The following ZNF680 variants were observed in gnomAD, a reference collection of about 807,000 sequenced individuals.
ZNF680 encodes the protein zinc finger protein 680.
Under a neutral mutation model 12.1 loss-of-function variants are expected in ZNF680, and 6 were observed. The observed-to-expected ratio is 0.49, with a 90% CI of 0.27 to 0.98. The LOEUF is 0.98. ZNF680 is among the 50% of genes least tolerant of loss of function. The pLI is 0.12. For synonymous variants in ZNF680, 170 were observed against 199.3 expected, an observed-to-expected ratio of 0.85 and a Z score of 1.24; for missense variants, 561 against 616.3, an observed-to-expected ratio of 0.91 and a Z score of 0.95.
Position 64,522,191 on chromosome 7 carries a change from C to A in ZNF680, c.563G>T (p.Gly188Val). 4 of 1,612,536 alleles carry A rather than the reference C, an allele frequency of 2.5e-6. No individual in the cohort carries two copies. The highest frequency in any genetic ancestry group is 3.4e-6 in the Non-Finnish European group (4 of 1,179,122). ...ATGTGAAAGCATGCAAAATGATTTG[C>A]CACATTCTTTACATTTGAAAACCTT... ...GKKVFKCKEC[G>V]KSFCMLSHLT... Residue 188 changes from glycine to valine, a missense_variant, in exon 4 of 4, where the codon GGC becomes GTC. Physicochemically the swap from Gly to Val is moderately radical, Grantham distance 109. Transcript: ENST00000309683.
intron 3 of ZNF680, chr7:64,524,956 G>C (rs560310291): frequency 2.0e-5 from 3 of 152,218 alleles, no homozygotes; most frequent in Non-Finnish European, 2.9e-5. Context: ...TTAATCTTGT[G>C]AAGATGTCCA....
chr7:64,525,961 T>G, intron 3 of ZNF680: 2 of 985,244 alleles, frequency 2.0e-6, no homozygotes, highest in Non-Finnish European at 2.4e-6. Context: ...TATGGCTGAT[T>G]CATATTTGAC....
At chr7:64,558,160 C>T (rs1787524625) in intron 1 of ZNF680, among the ~76,000 whole-genome samples, 1 of 151,984 alleles carries the variant, frequency 6.6e-6, no homozygotes, top group Non-Finnish European at 1.5e-5. Flanking sequence ...ACAGGTGGTA[C>T]AGAACCGTTG....
At chr7:64,551,125 C>T (rs1201543368) in intron 1 of ZNF680, among the ~76,000 whole-genome samples, 2 of 152,070 alleles carry the variant, frequency 1.3e-5, no homozygotes, top group Non-Finnish European at 2.9e-5. Flanking sequence ...TCTAAATTCA[C>T]CTGGTAATTG....
chr7:64,552,606 T>A (rs961752133), intron 1 of ZNF680, among the ~76,000 whole-genome samples: 1 of 152,214 alleles, frequency 6.6e-6, no homozygotes, highest in Non-Finnish European at 1.5e-5. Flanking sequence ...AACAATTTGG[T>A]AATAAGTTTT....
intron 3 of ZNF680, among the ~76,000 whole-genome samples, chr7:64,537,796 G>A (rs1388066432): frequency 1.3e-5 from 2 of 152,098 alleles, no homozygotes; most frequent in Non-Finnish European, 2.9e-5. Context: ...CGGGCGTGGT[G>A]GCGGGCGCCT....
chr7:64,557,025 C>A (rs1191275582), intron 1 of ZNF680, among the ~76,000 whole-genome samples: 2 of 152,148 alleles, frequency 1.3e-5, no homozygotes, highest in African/African-American at 4.8e-5. Flanking sequence ...CCAAGGCGGG[C>A]GGATCACGAG....
the ZNF680 span, among the ~76,000 whole-genome samples, chr7:64,514,518 T>G: frequency 6.6e-6 from 1 of 152,074 alleles, no homozygotes; most frequent in African/African-American, 2.4e-5. Context: ...CAATGCAGGT[T>G]TCTCATAACA....
the ZNF680 span, among the ~76,000 whole-genome samples, chr7:64,510,854 G>A: frequency 8.7e-5 from 8 of 92,450 alleles, 1 homozygote; most frequent in Non-Finnish European, 1.8e-4. Flanking sequence ...AGCTTGCAGT[G>A]AGCCGAGATC....
chr7:64,508,147 A>G, the ZNF680 span, among the ~76,000 whole-genome samples: 6 of 135,376 alleles, frequency 4.4e-5, no homozygotes, highest in South Asian at 2.2e-4. Context: ...ATATATACAT[A>G]ATTTTTTTTT....
the ZNF680 span, among the ~76,000 whole-genome samples, chr7:64,513,464 G>GT: frequency 6.6e-6 from 1 of 151,910 alleles, no homozygotes. Context: ...CAAACACAAG[G>GT]TTTTATTAAA....
rs1490594785 is a variant in ZNF680, at chr7:64,556,101, G to A, written c.30+6824C>T. Reference sequence around the variant, plus strand: ...ATCTCTAAAACAAAAATTACAAAATGCTTCTTAAAGAAGTCAGAGATGACA... The same window carrying A: ...ATCTCTAAAACAAAAATTACAAAATACTTCTTAAAGAAGTCAGAGATGACA... On this transcript the variant is annotated intron_variant, in intron 1 of 3. Coordinates refer to ENST00000309683, the MANE Select transcript of ZNF680 (RefSeq NM_178558.5). Among the ~76,000 whole-genome samples the A allele has an allele frequency of 2.0e-5, 3 of 151,650 alleles. No individual in the cohort carries two copies. The East Asian group carries it at 5.8e-4, about 29-fold the overall frequency.
intron 1 of ZNF680, among the ~76,000 whole-genome samples, chr7:64,559,104 C>T (rs149707777): frequency 0.01 from 1,591 of 152,176 alleles, 31 homozygotes; most frequent in Middle Eastern, 0.01. Context: ...TCTCTCTCTC[C>T]CTCAGTAACT....
intron 3 of ZNF680, among the ~76,000 whole-genome samples, chr7:64,538,124 A>T (rs1786275566): frequency 1.3e-5 from 2 of 152,324 alleles, no homozygotes; most frequent in South Asian, 4.1e-4. Context: ...CTATATACAA[A>T]GAATATTTGA....
intron 1 of ZNF680, 87 bp downstream of exon 1, chr7:64,562,838 T>C: frequency 2.0e-6 from 3 of 1,518,222 alleles, no homozygotes; most frequent in Admixed American, 1.7e-5. Flanking sequence ...AGCCCAGTGC[T>C]TGGAGCCTGG....
At chr7:64,536,935 T>C (rs74517469) in intron 3 of ZNF680, among the ~76,000 whole-genome samples, 3,199 of 151,930 alleles carry the variant, frequency 0.021, 68 homozygotes, top group Middle Eastern at 0.055. Flanking sequence ...CTAGACATGA[T>C]AGTGCATGTC....
intron 3 of ZNF680, among the ~76,000 whole-genome samples, chr7:64,527,780 G>A (rs778539324): frequency 6.6e-6 from 1 of 152,176 alleles, no homozygotes; most frequent in Non-Finnish European, 1.5e-5. Flanking sequence ...ACAAATCTGG[G>A]GGCATCATGG....
chr7:64,561,657 G>C (rs981981468), intron 1 of ZNF680, among the ~76,000 whole-genome samples: 1 of 152,140 alleles, frequency 6.6e-6, no homozygotes, highest in Non-Finnish European at 1.5e-5. Context: ...CACTAGGGCC[G>C]GGCGCGGTGG....
chr7:64,521,321 G>C lies in ZNF680; in HGVS notation c.1433C>G (p.Ala478Gly). 1 of 1,613,450 alleles carries C rather than the reference G, an allele frequency of 6.2e-7. No individual in the cohort carries two copies. Among genetic ancestry groups the C allele is most frequent in the Non-Finnish European group, 8.5e-7 (1 of 1,179,622 alleles). ...TCTAGCATGAATTCTCTTATGATTA[G>C]CAAGAGTTGCAGGCCAGTTAAAAAC... Reference protein sequence around the residue: ...GNVFNWPATLANHKRIHAREK... With the variant: ...GNVFNWPATLGNHKRIHAREK... The change falls in exon 4 of 4, where the codon GCT becomes GGT. Residue 478 changes from alanine to glycine, a missense_variant. Ala to Gly is a moderately conservative substitution (Grantham distance 60). Coordinates refer to ENST00000309683, the MANE Select transcript of ZNF680 (RefSeq NM_178558.5).
Sources: gnomAD v4.1 joint callset for allele counts (sites outside exome capture counted in the v4.1 genomes callset) on GRCh38, gnomAD v4.1.1 for gene constraint, MANE v1.5 for transcripts, NCBI Gene and HGNC (gene_info 2026-07-23, HGNC 2026-07-21) for gene names.